Variants in DPP6 observed in about 807,000 individuals in gnomAD.
The protein encoded by DPP6 is dipeptidyl peptidase like 6, also known as A-type potassium channel modulatory protein DPP6.
Under a neutral mutation model 122.6 loss-of-function variants are expected in DPP6, and 69 were observed. That is an observed-to-expected ratio of 0.56 (90% CI 0.46 to 0.69). The LOEUF is 0.69. DPP6 is among the 30% of genes least tolerant of loss of function. DPP6 has a pLI of 0.00. For synonymous variants in DPP6, 418 were observed against 433.1 expected, an observed-to-expected ratio of 0.97 and a Z score of 0.43; for missense variants, 928 against 1,116.9, an observed-to-expected ratio of 0.83 and a Z score of 2.41.
chr7:153,860,651 C>CA, the DPP6 span, among the ~76,000 whole-genome samples: 103 of 148,206 alleles, frequency 6.9e-4, 1 homozygote, highest in Middle Eastern at 3.5e-3. Flanking sequence ...CCCATGCCTT[C>CA]AAAAAAAAAA....
rs537317863 is a variant in DPP6 at position 154,216,889 on chromosome 7, CA to C, written c.243+163828del. ...TCATATATATGTTAAAGCTTAAATT[CA>C]ATCTGATGTAGAGATTTAACTGTGG... is the stretch of plus-strand genomic sequence containing the variant. On this transcript the variant is annotated intron_variant, in intron 1 of 25. Transcript: ENST00000377770. Among the ~76,000 whole-genome samples the C allele has an allele frequency of 1.6e-4, 20 of 127,316 alleles. 1 individual carries two copies. The South Asian group carries it at 5.0e-3, about 32-fold the overall frequency. 83.5% of individuals were successfully genotyped at this position (127,316 alleles called of 152,430 possible).
chr7:154,403,423 G>A lies in DPP6; in HGVS notation c.244-42791G>A, dbSNP rs1815813631. Among the ~76,000 whole-genome samples the A allele has an allele frequency of 6.6e-6, 1 of 152,198 alleles. No homozygotes were observed. The highest frequency in any genetic ancestry group is 1.5e-5 in the Non-Finnish European group (1 of 68,038). The stretch of plus-strand genomic sequence containing the variant: ...ATGCCTCCTGGGTGTTGAAGAGTCC[G>A]AAGGATCCAGAATGGCAGAGAGGGG... On this transcript the variant is annotated intron_variant, in intron 1 of 25. Coordinates refer to ENST00000377770, the MANE Select transcript of DPP6 (RefSeq NM_130797.4). This position sits in a 1 kb window ranked among gnomAD's most constrained non-coding sequence, Gnocchi z 4.1.
chr7:154,273,601 C>CA (rs1286066710), intron 1 of DPP6, among the ~76,000 whole-genome samples: 3 of 152,098 alleles, frequency 2.0e-5, no homozygotes, highest in Non-Finnish European at 4.4e-5. Flanking sequence ...GGAGAGAAAA[C>CA]AATTCACGTT....
At chr7:153,750,694 A>G in the DPP6 span, among the ~76,000 whole-genome samples, 4 of 144,824 alleles carry the variant, frequency 2.8e-5, no homozygotes, top group African/African-American at 1.0e-4. Flanking sequence ...CATCCATTTA[A>G]TAAACATGGT....
intron 1 of DPP6, among the ~76,000 whole-genome samples, chr7:154,208,372 A>T (rs1359402754): frequency 6.6e-6 from 1 of 152,240 alleles, no homozygotes; most frequent in Non-Finnish European, 1.5e-5. Flanking sequence ...ATTACACCAC[A>T]TACATTTCCA....
At position 154,219,993 on chromosome 7, in the gene DPP6, C is replaced by T. The variant is rs539294792; in HGVS notation, c.243+166930C>T. On this transcript the variant is annotated intron_variant, in intron 1 of 25. Coordinates refer to ENST00000377770, the MANE Select transcript of DPP6 (RefSeq NM_130797.4). ...TCTGTCCCTGTAGACCATTGGTTGCCTTGCCTTGGAGCTCACAGCCTTTCA... is the reference window on the plus strand; with the variant it reads ...TCTGTCCCTGTAGACCATTGGTTGCTTTGCCTTGGAGCTCACAGCCTTTCA... Among the ~76,000 whole-genome samples the T allele has an allele frequency of 3.9e-5, 6 of 152,300 alleles. No individual in the cohort carries two copies. The South Asian group carries it at 1.2e-3, about 32-fold the overall frequency.
intron 17 of DPP6, chr7:154,858,254 C>T (rs1232088172): frequency 6.6e-6 from 1 of 152,256 alleles, no homozygotes; most frequent in East Asian, 1.9e-4. Flanking sequence ...GCTATTATCC[C>T]CACTTGTCAG....
intron 10 of DPP6, among the ~76,000 whole-genome samples, chr7:154,789,771 C>T (rs540684585): frequency 6.6e-6 from 1 of 152,366 alleles, no homozygotes; most frequent in Admixed American, 6.5e-5. Flanking sequence ...AAGAATGTCC[C>T]TTTGTCCAAA....
rs1044964912 is a variant in DPP6, at chr7:154,772,881, A to G, written c.1075A>G (p.Ile359Val). ...GAACCCCAGCATTTCCCTACACGTT[A>G]TTGGCTTAAATGGACCCACCCATGA... ...SENPSISLHV[I>V]GLNGPTHDLE... Residue 359 changes from isoleucine (I) to valine (V), a missense_variant, in exon 10 of 26, where the codon ATT becomes GTT. Coordinates refer to ENST00000377770, the MANE Select transcript of DPP6 (RefSeq NM_130797.4). 2 of 1,612,016 alleles carry G rather than the reference A, an allele frequency of 1.2e-6. No homozygotes were observed. The highest frequency in any genetic ancestry group is 1.7e-6 in the Non-Finnish European group (2 of 1,179,462).
intron 5 of DPP6, among the ~76,000 whole-genome samples, chr7:154,622,452 C>T (rs1160459478): frequency 6.6e-6 from 1 of 152,204 alleles, no homozygotes; most frequent in Non-Finnish European, 1.5e-5. Context: ...TATCCCAGAC[C>T]TCCTAGTCTG....
rs548157386 is a variant in DPP6 at position 154,833,555 on chromosome 7, T to A, written c.1667-20225T>A. 6.6e-6 allele frequency among the ~76,000 whole-genome samples: 1 copy of A among 152,230 alleles called. No homozygotes were observed. Among genetic ancestry groups the A allele is most frequent in the Admixed American group, 6.5e-5 (1 of 15,292 alleles). ...AGGACCTGTTGCTGGTAGACGGTGG[T>A]GATGCTGGAGGGGATGCTGACATTG... On this transcript the variant is annotated intron_variant, in intron 16 of 25. Coordinates refer to ENST00000377770, the MANE Select transcript of DPP6 (RefSeq NM_130797.4). This position sits in a 1 kb window ranked among gnomAD's most constrained non-coding sequence, Gnocchi z 4.3.
chr7:154,138,063 G>A (rs781383831), intron 1 of DPP6, among the ~76,000 whole-genome samples: 14 of 152,274 alleles, frequency 9.2e-5, no homozygotes, highest in Admixed American at 7.8e-4. Context: ...TGCCAGCCTG[G>A]CTTCTGCTCC....
rs543447052 is a variant in DPP6, at chr7:154,000,043, G to T, written c.51+112309G>T. Reference sequence around the variant, plus strand: ...ATATATAAGATAGCTGGAAAAATAAGACTAAGTAAATTTGCTTTGTAATGT... The same window carrying T: ...ATATATAAGATAGCTGGAAAAATAATACTAAGTAAATTTGCTTTGTAATGT... On this transcript the variant is annotated intron_variant, in intron 1 of 25. Coordinates refer to the DPP6 transcript ENST00000404039. Among the ~76,000 whole-genome samples the T allele has an allele frequency of 2.0e-5, 3 of 151,544 alleles. No homozygotes were observed. In the South Asian group the frequency reaches 6.2e-4, roughly 31 times the overall value.
intron 1 of DPP6, among the ~76,000 whole-genome samples, chr7:154,343,163 C>G (rs1344263249): frequency 1.3e-5 from 2 of 152,220 alleles, no homozygotes; most frequent in African/African-American, 2.4e-5. Flanking sequence ...CTTCCGTGTT[C>G]CCTGAGTGCC....
chr7:153,755,592 G>GCCC, the DPP6 span, among the ~76,000 whole-genome samples: 1 of 151,524 alleles, frequency 6.6e-6, no homozygotes, highest in African/African-American at 2.4e-5. Flanking sequence ...ATTCTTTCCT[G>GCCC]CCCCTTTTGG....
At chr7:154,653,724 C>A (rs1837037374) in intron 6 of DPP6, among the ~76,000 whole-genome samples, 1 of 152,166 alleles carries the variant, frequency 6.6e-6, no homozygotes, top group Admixed American at 6.5e-5. Flanking sequence ...CATTCCACCC[C>A]CACCTCCAAA....
intron 4 of DPP6, among the ~76,000 whole-genome samples, chr7:154,545,673 C>T (rs1829129017): frequency 6.6e-6 from 1 of 152,148 alleles, no homozygotes; most frequent in Non-Finnish European, 1.5e-5. Context: ...TGAAGTGTTT[C>T]ACCAGTGCTT....
At chr7:153,872,820 A>G in the DPP6 span, among the ~76,000 whole-genome samples, 1 of 152,214 alleles carries the variant, frequency 6.6e-6, no homozygotes, top group Non-Finnish European at 1.5e-5. Context: ...ATTTGTAAAG[A>G]AAGTGTAGGT....
chr7:154,200,464 T>C (rs1323741280), intron 1 of DPP6, among the ~76,000 whole-genome samples: 3 of 152,084 alleles, frequency 2.0e-5, no homozygotes, highest in Non-Finnish European at 4.4e-5. Flanking sequence ...CGGGTGGAGA[T>C]TGGAGGAGAC....
Sources: gnomAD v4.1 joint callset for allele counts (sites outside exome capture counted in the v4.1 genomes callset) on GRCh38, gnomAD v4.1.1 for gene constraint, Gnocchi (gnomAD v3.1) non-coding constraint, MANE v1.5 for transcripts, NCBI Gene and HGNC (gene_info 2026-07-23, HGNC 2026-07-21) for gene names.